The following PRTG variants were observed in gnomAD, a reference collection of about 807,000 sequenced individuals.
PRTG encodes immunoglobulin superfamily, DCC subclass, member 5.
PRTG carries 67 observed loss-of-function variants against 122.5 expected under a neutral mutation model. That is an observed-to-expected ratio of 0.55 (90% CI 0.45 to 0.67). The LOEUF (loss-of-function observed/expected upper bound fraction) is 0.67, where lower values mean the gene tolerates loss of function less well. Ranked by LOEUF, PRTG falls within the 30% of genes least tolerant of loss-of-function variation. PRTG has a pLI of 0.00. For synonymous variants in PRTG, 554 were observed against 501.1 expected, an observed-to-expected ratio of 1.11 and a Z score of -1.41; for missense variants, 1,435 against 1,415.4, an observed-to-expected ratio of 1.01 and a Z score of -0.22.
In PRTG at chr15:55,615,525, T is replaced by C. The variant is rs1411053219; in HGVS notation, c.*4487A>G. 2 of 152,052 alleles carry C rather than the reference T, an allele frequency of 1.3e-5. No homozygotes were observed. Among genetic ancestry groups the C allele is most frequent in the African/African-American group, 2.4e-5 (1 of 41,392 alleles). The allele number at this position is 152,052 out of a possible 1,614,324, so 9.4% of individuals were successfully genotyped here. Reference sequence around the variant, plus strand: ...CTCTACGGTTACATTCTTCTAAACATCAATAAAAAAATCACAATTAGACAA... The same window carrying C: ...CTCTACGGTTACATTCTTCTAAACACCAATAAAAAAATCACAATTAGACAA... On this transcript the variant is annotated 3_prime_UTR_variant, in exon 20 of 20. Transcript: ENST00000389286.
chr15:55,669,696 A>G (rs150991776), intron 11 of PRTG, among the ~76,000 whole-genome samples: 1 of 152,300 alleles, frequency 6.6e-6, no homozygotes, highest in African/African-American at 2.4e-5. Context: ...GCTGCACAAT[A>G]CTTGAATCCA....
At chr15:55,644,474 C>CT (rs1218481938) in intron 11 of PRTG, among the ~76,000 whole-genome samples, 2 of 152,112 alleles carry the variant, frequency 1.3e-5, no homozygotes, top group African/African-American at 2.4e-5. Context: ...TCCCTTCTTC[C>CT]TTTTTAAAAA....
chr15:55,675,277 T>C (rs1031110636), intron 9 of PRTG, among the ~76,000 whole-genome samples: 1 of 152,116 alleles, frequency 6.6e-6, no homozygotes, highest in African/African-American at 2.4e-5. Flanking sequence ...CAATTTAAAC[T>C]AGTAACCTTT....
At chr15:55,662,741 A>G (rs935894993) in intron 11 of PRTG, among the ~76,000 whole-genome samples, 1 of 152,196 alleles carries the variant, frequency 6.6e-6, no homozygotes, top group African/African-American at 2.4e-5. Context: ...AATTTCAATG[A>G]GATTTGCTGG....
At position 55,683,929 on chromosome 15, in the gene PRTG, T is replaced by C. The variant is rs1024495673; in HGVS notation, c.400A>G (p.Ile134Val). The change falls in exon 3 of 20, where the codon ATT (isoleucine) becomes GTT (valine). Residue 134 changes from isoleucine (I) to valine (V), a missense_variant and splice_region_variant. Transcript: ENST00000389286. ...ATTGGCTGGACTTCAAATGCAGAAA[T>C]AGCTATAAGATAAAGTTTGAGAAAT... ...SQKAHLALST[I>V]SAFEVQPIST... is the part of the protein sequence containing the mutation. 20 of 1,612,762 alleles carry C rather than the reference T, an allele frequency of 1.2e-5. No individual in the cohort carries two copies. The East Asian group carries it at 1.6e-4, about 13-fold the overall frequency.
rs375338090 is a variant in PRTG, at chr15:55,620,023, G to C, written c.3442C>G (p.Pro1148Ala). The change falls in exon 20 of 20, where the codon CCC (proline) becomes GCC (alanine). Residue 1148 changes from proline (P) to alanine (A), a missense_variant. Coordinates refer to ENST00000389286, the MANE Select transcript of PRTG (RefSeq NM_173814.6). ...TGCCAGTGAAAGAATCAGAGGTTGG[G>C]GGGTGTGGTACTTATAACTGAGGAC... Reference protein sequence around the residue: ...HLSSVISTTPPNL With the variant: ...HLSSVISTTPANL 2.2e-5 allele frequency: 36 copies of C among 1,613,978 alleles called. No individual in the cohort carries two copies. Among genetic ancestry groups the C allele is most frequent in the South Asian group, 5.5e-5 (5 of 91,070 alleles).
At position 55,620,024 on chromosome 15, in the gene PRTG, G is replaced by A. The variant is rs888804953; in HGVS notation, c.3441C>T (p.Pro1147=). ...IHLSSVISTT[P]PNL is the part of the protein sequence containing the mutation. Reference sequence around the variant, plus strand: ...GCCAGTGAAAGAATCAGAGGTTGGGGGGTGTGGTACTTATAACTGAGGACA... The same window carrying A: ...GCCAGTGAAAGAATCAGAGGTTGGGAGGTGTGGTACTTATAACTGAGGACA... Residue 1147 remains proline (P), a synonymous_variant, in exon 20 of 20, where the codon CCC becomes CCT. Transcript: ENST00000389286. 1 of 1,614,110 alleles carries A rather than the reference G, an allele frequency of 6.2e-7. No individual in the cohort carries two copies. Among genetic ancestry groups the A allele is most frequent in the Non-Finnish European group, 8.5e-7 (1 of 1,179,994 alleles).
rs1595596826 is a variant in PRTG at position 55,619,720 on chromosome 15, A to C, written c.*292T>G. ...GACAATGAAACATTCAAATTACACA[A>C]GTTTAAAAATAAAAAACAAAACACA... On this transcript the variant is annotated 3_prime_UTR_variant, in exon 20 of 20. Transcript: ENST00000389286. 1 of 346,480 alleles carries C rather than the reference A, an allele frequency of 2.9e-6. No individual in the cohort carries two copies. The highest frequency in any genetic ancestry group is 5.3e-5 in the East Asian group (1 of 18,890). The allele number at this position is 346,480 out of a possible 1,614,324, so 21.5% of individuals were successfully genotyped here. A position where few individuals can be genotyped will look rare whatever the true frequency, so the allele number is the denominator to read the frequency against.
chr15:55,658,966 C>CAA (rs752945723), intron 11 of PRTG, among the ~76,000 whole-genome samples: 59 of 152,142 alleles, frequency 3.9e-4, no homozygotes, highest in Non-Finnish European at 5.9e-4. Context: ...GATAATCAGG[C>CAA]AAAATGTGCT....
In PRTG at chr15:55,672,570, TGC is replaced by T. The variant is rs776152189; in HGVS notation, c.1914_1915del (p.Trp638Ter). ...AGCAGCTGTGTCCTCTACATCTTGC[TGC>T]CACCTCACAGAAATGGTGGTACAGT... is the stretch of plus-strand genomic sequence containing the variant. On this transcript the variant is annotated stop_gained and frameshift_variant, in exon 11 of 20. Coordinates refer to ENST00000389286, the MANE Select transcript of PRTG (RefSeq NM_173814.6). LOFTEE classifies it high-confidence loss of function. 6.2e-7 allele frequency: 1 copy of T among 1,614,144 alleles called. No individual in the cohort carries two copies. Among genetic ancestry groups the T allele is most frequent in the South Asian group, 1.1e-5 (1 of 91,074 alleles).
chr15:55,689,208 T>C (rs1335807590), intron 2 of PRTG, among the ~76,000 whole-genome samples: 3 of 152,322 alleles, frequency 2.0e-5, no homozygotes, highest in South Asian at 2.1e-4. Context: ...AAGGCTTCTA[T>C]AGGTTAATCC....
At chr15:55,732,634 A>G (rs1448791694) in intron 2 of PRTG, among the ~76,000 whole-genome samples, 2 of 151,428 alleles carry the variant, frequency 1.3e-5, no homozygotes, top group African/African-American at 4.9e-5. Flanking sequence ...AGCTAGGATT[A>G]AAGGCATGTG....
At chr15:55,698,870 A>T (rs765104806) in intron 2 of PRTG, among the ~76,000 whole-genome samples, 1 of 149,532 alleles carries the variant, frequency 6.7e-6, no homozygotes, top group Non-Finnish European at 1.5e-5. Context: ...GGGAGAGGGG[A>T]GAGAGTGCGG....
At chr15:55,704,501 G>T (rs1448923507) in intron 2 of PRTG, among the ~76,000 whole-genome samples, 3 of 152,124 alleles carry the variant, frequency 2.0e-5, no homozygotes, top group African/African-American at 7.2e-5. Context: ...TAAATTATTT[G>T]TTGATAAACA....
chr15:55,711,786 T>C (rs1450139872), intron 2 of PRTG, among the ~76,000 whole-genome samples: 2 of 152,168 alleles, frequency 1.3e-5, no homozygotes, highest in African/African-American at 4.8e-5. Flanking sequence ...CACAAGCTTG[T>C]AGACAATAAT....
chr15:55,657,041 T>C (rs79523867), intron 11 of PRTG, among the ~76,000 whole-genome samples: 12,505 of 152,204 alleles, frequency 0.082, 557 homozygotes, highest in Non-Finnish European at 0.11. Flanking sequence ...TACTAGAATG[T>C]CAATTTGTAA....
intron 1 of PRTG, chr15:55,742,498 G>T: frequency 4.3e-6 from 1 of 232,912 alleles, no homozygotes; most frequent in Non-Finnish European, 8.3e-6. Context: ...TCGCGGAGGC[G>T]CGGACGCGGC....
intron 14 of PRTG, among the ~76,000 whole-genome samples, chr15:55,637,548 C>G (rs2059264917): frequency 6.6e-6 from 1 of 152,136 alleles, no homozygotes; most frequent in Non-Finnish European, 1.5e-5. Flanking sequence ...ACATTAGATT[C>G]CTAGATGGAG....
intron 11 of PRTG, among the ~76,000 whole-genome samples, chr15:55,641,633 T>G (rs1409438093): frequency 6.6e-6 from 1 of 152,208 alleles, no homozygotes; most frequent in Non-Finnish European, 1.5e-5. Flanking sequence ...GAAATCAAAC[T>G]GAGATTGTTT....
Sources: allele counts gnomAD v4.1 joint callset (sites outside exome capture counted in the v4.1 genomes callset), GRCh38; gene constraint gnomAD v4.1.1; transcripts MANE v1.5; gene names NCBI Gene and HGNC (gene_info 2026-07-23, HGNC 2026-07-21).